The following FAM185A variants were observed in gnomAD, a reference collection of about 807,000 sequenced individuals.
The protein encoded by FAM185A is protein FAM185A.
Under a neutral mutation model 45.7 loss-of-function variants are expected in FAM185A, and 21 were observed. The ratio of observed to expected loss-of-function variants is 0.46; its 90% CI spans 0.33 to 0.66. FAM185A has a LOEUF of 0.66. Ranked by LOEUF, FAM185A falls within the 30% of genes least tolerant of loss-of-function variation. The pLI, the probability that FAM185A is intolerant of heterozygous loss-of-function variation, is 0.03. For missense variants in FAM185A, 305 were observed against 485.4 expected (o/e 0.63, Z 3.49); for synonymous variants, 117 against 194.0 (o/e 0.60, Z 3.30).
chr7:102,848,273 G>GGATATTATATAA, the FAM185A span, among the ~76,000 whole-genome samples: 1 of 116,170 alleles, frequency 8.6e-6, no homozygotes, highest in Admixed American at 7.7e-5. Context: ...ATACACATTC[G>GGATATTATATAA]AGGCCGGGCG....
intron 7 of FAM185A, among the ~76,000 whole-genome samples, chr7:102,793,200 GTT>G (rs113039515): frequency 6.6e-6 from 1 of 151,018 alleles, no homozygotes; most frequent in African/African-American, 2.5e-5. Context: ...CTTTTATGGT[GTT>G]TTTTTTTTGT....
At chr7:102,821,240 C>T in the FAM185A span, among the ~76,000 whole-genome samples, 1 of 152,156 alleles carries the variant, frequency 6.6e-6, no homozygotes, top group Non-Finnish European at 1.5e-5. Flanking sequence ...GAGTCTCCAA[C>T]CCTCCTCAAA....
chr7:102,838,381 T>G, the FAM185A span, among the ~76,000 whole-genome samples: 2 of 152,138 alleles, frequency 1.3e-5, no homozygotes. Flanking sequence ...TAGCTAGTAT[T>G]ATTATTTGTA....
At chr7:102,837,297 C>A in the FAM185A span, among the ~76,000 whole-genome samples, 1 of 152,328 alleles carries the variant, frequency 6.6e-6, no homozygotes, top group African/African-American at 2.4e-5. Context: ...CCAGGGAAAC[C>A]AGGCTGAGCA....
In FAM185A at chr7:102,758,042, A is replaced by T. The variant is rs1473670104; in HGVS notation, c.654+96A>T. 12 of 1,490,026 alleles carry T rather than the reference A, an allele frequency of 8.1e-6. No homozygotes were observed. The South Asian group carries it at 1.4e-4, about 18-fold the overall frequency. The allele number at this position is 1,490,026 out of a possible 1,614,324, so 92.3% of individuals were successfully genotyped here. ...GGTTCTACAAAGTTCGTAGCATAAC[A>T]TTCCCTTTTTAATGCATTTTAGTTC... is the stretch of plus-strand genomic sequence containing the variant. On this transcript the variant is annotated intron_variant, in intron 3 of 7. Coordinates refer to ENST00000413034, the MANE Select transcript of FAM185A (RefSeq NM_001145268.2).
downstream of FAM185A, among the ~76,000 whole-genome samples, chr7:102,812,374 G>A (rs1490236261): frequency 1.3e-5 from 2 of 152,156 alleles, no homozygotes; most frequent in African/African-American, 4.8e-5. Context: ...GAATTCCTCC[G>A]TTGTGCAAAT....
the FAM185A span, among the ~76,000 whole-genome samples, chr7:102,848,292 C>G: frequency 4.3e-5 from 2 of 46,502 alleles, 1 homozygote; most frequent in Non-Finnish European, 7.3e-5. Flanking sequence ...CGCGGTGGCT[C>G]ACGCCTGTAA....
At chr7:102,763,558 C>A (rs1455016929) in intron 4 of FAM185A, among the ~76,000 whole-genome samples, 1 of 152,194 alleles carries the variant, frequency 6.6e-6, no homozygotes, top group Non-Finnish European at 1.5e-5. Flanking sequence ...CTGGGATGGT[C>A]CCTCAGAGTT....
chr7:102,850,372 A>G, the FAM185A span, among the ~76,000 whole-genome samples: 6 of 152,192 alleles, frequency 3.9e-5, no homozygotes, highest in Non-Finnish European at 7.3e-5. Context: ...AATAATGTAC[A>G]TTAAGAGGCT....
At chr7:102,812,438 A>G (rs151315202), downstream of FAM185A, among the ~76,000 whole-genome samples, 9 of 152,298 alleles carry the variant, frequency 5.9e-5, no homozygotes, top group East Asian at 1.7e-3. Flanking sequence ...TTCTATTCAG[A>G]TAGTTCTTGT....
chr7:102,818,273 A>G, the FAM185A span, among the ~76,000 whole-genome samples: 1 of 152,216 alleles, frequency 6.6e-6, no homozygotes, highest in Non-Finnish European at 1.5e-5. Context: ...TTGAGAATGT[A>G]ATATAAAGGC....
intron 5 of FAM185A, among the ~76,000 whole-genome samples, chr7:102,775,911 C>CACTA: frequency 6.6e-6 from 1 of 152,166 alleles, no homozygotes; most frequent in East Asian, 1.9e-4. Flanking sequence ...CATTTCCCAA[C>CACTA]GTCAGTGTTA....
chr7:102,756,489 C>G (rs953172050), intron 2 of FAM185A, among the ~76,000 whole-genome samples: 1 of 151,512 alleles, frequency 6.6e-6, no homozygotes, highest in African/African-American at 2.4e-5. Context: ...AACCCCATCT[C>G]TACTAAAAAT....
chr7:102,806,938 G>C (rs1177402649), intron 7 of FAM185A, among the ~76,000 whole-genome samples: 1 of 152,120 alleles, frequency 6.6e-6, no homozygotes, highest in East Asian at 1.9e-4. Context: ...AGGGGAGCAA[G>C]CTGCACAGAG....
the FAM185A span, among the ~76,000 whole-genome samples, chr7:102,835,461 C>T: frequency 2.0e-5 from 3 of 152,150 alleles, no homozygotes; most frequent in African/African-American, 7.2e-5. Context: ...CTTTCATATC[C>T]CTTTCCCAAA....
At chr7:102,813,595 C>T, downstream of FAM185A, 1 of 1,539,476 alleles carries the variant, frequency 6.5e-7, no homozygotes, top group Non-Finnish European at 8.8e-7. Context: ...AATTTTCAAA[C>T]TCAACCAAAT....
downstream of FAM185A, among the ~76,000 whole-genome samples, chr7:102,812,141 G>C (rs1797469646): frequency 6.6e-6 from 1 of 152,156 alleles, no homozygotes; most frequent in Non-Finnish European, 1.5e-5. Flanking sequence ...CTTGTTTGCG[G>C]CAGTCAGAAC....
chr7:102,815,596 T>G, the FAM185A span, among the ~76,000 whole-genome samples: 1 of 152,166 alleles, frequency 6.6e-6, no homozygotes, highest in African/African-American at 2.4e-5. Context: ...TGATGTTGAC[T>G]GTAGTACAAG....
At chr7:102,762,125 C>G (rs1452416368) in intron 4 of FAM185A, among the ~76,000 whole-genome samples, 3 of 152,146 alleles carry the variant, frequency 2.0e-5, no homozygotes, top group African/African-American at 7.2e-5. Context: ...GTAATTATAG[C>G]AACTCTGATA....
Sources: allele counts gnomAD v4.1 joint callset (sites outside exome capture counted in the v4.1 genomes callset), GRCh38; gene constraint gnomAD v4.1.1; transcripts MANE v1.5; gene names NCBI Gene and HGNC (gene_info 2026-07-23, HGNC 2026-07-21).